GFPT1: variants seen among roughly 807,000 people sequenced by gnomAD.
The protein encoded by GFPT1 is glutamine--fructose-6-phosphate transaminase 1.
In GFPT1, 40 loss-of-function variants were observed where a neutral mutation model predicts 92.0. That is an observed-to-expected ratio of 0.43 (90% CI 0.34 to 0.57). The LOEUF is 0.57. Among genes scored for constraint, GFPT1 ranks in the 20% least tolerant of loss-of-function variants. The pLI is 0.02. For synonymous variants in GFPT1, 269 were observed against 280.6 expected, an observed-to-expected ratio of 0.96 and a Z score of 0.41; for missense variants, 448 against 869.1, an observed-to-expected ratio of 0.52 and a Z score of 6.09.
chr2:69,363,481 C>A, intron 4 of GFPT1, 64 bp downstream of exon 4: 1 of 1,477,834 alleles, frequency 6.8e-7, no homozygotes, highest in Non-Finnish European at 9.5e-7. Context: ...ATCTAAAAGC[C>A]TTCATTCTGC....
rs1454917677 is a variant in GFPT1, at chr2:69,321,062, C to T, written c.*5127G>A. On this transcript the variant is annotated 3_prime_UTR_variant, in exon 20 of 20. Transcript: ENST00000357308. ...AAAGGATTCTGTAAGGGAAACTTTG[C>T]TCTATAATTAACAGAGAGCCAGATA... 6.6e-6 allele frequency: 1 copy of T among 152,208 alleles called. No homozygotes were observed. Among genetic ancestry groups the T allele is most frequent in the Non-Finnish European group, 1.5e-5 (1 of 68,028 alleles). The allele number at this position is 152,208 out of a possible 1,614,324, so 9.4% of individuals were successfully genotyped here. A position where few individuals can be genotyped will look rare whatever the true frequency, so the allele number is the denominator to read the frequency against.
intron 12 of GFPT1, 38 bp downstream of exon 12, chr2:69,345,866 G>A: frequency 8.9e-7 from 1 of 1,129,270 alleles, no homozygotes; most frequent in Non-Finnish European, 1.4e-6. Flanking sequence ...CCTACTGTCA[G>A]AGACACTGAA....
chr2:69,333,105 A>T (rs2104607225), intron 15 of GFPT1, among the ~76,000 whole-genome samples: 2 of 152,306 alleles, frequency 1.3e-5, no homozygotes, highest in Middle Eastern at 6.8e-3. Context: ...TAATGAGCAC[A>T]TCTATATTCT....
chr2:69,325,974 T>C lies in GFPT1; in HGVS notation c.*215A>G. ...TTTCTGATACAGATTCCAATATAGATTCCATTATTCAAAGTCCTCCACAAA... is the reference window on the plus strand; with the variant it reads ...TTTCTGATACAGATTCCAATATAGACTCCATTATTCAAAGTCCTCCACAAA... On this transcript the variant is annotated 3_prime_UTR_variant, in exon 20 of 20. Coordinates refer to ENST00000357308, the MANE Select transcript of GFPT1 (RefSeq NM_001244710.2). The C allele has an allele frequency of 1.9e-6, 1 of 529,846 alleles. No individual in the cohort carries two copies. The allele number at this position is 529,846 out of a possible 1,614,324, so 32.8% of individuals were successfully genotyped here.
In GFPT1 at chr2:69,320,900, G is replaced by C. The variant is rs181256419; in HGVS notation, c.*5289C>G. ...GGTGGAGGAGGGAGAGAGAGAGAGA[G>C]ACCAAAGACTGGGCTGAATTCTACA... is the stretch of plus-strand genomic sequence containing the variant. On this transcript the variant is annotated 3_prime_UTR_variant, in exon 20 of 20. Coordinates refer to ENST00000357308, the MANE Select transcript of GFPT1 (RefSeq NM_001244710.2). 1 of 152,110 alleles carries C rather than the reference G, an allele frequency of 6.6e-6. No individual in the cohort carries two copies. The highest frequency in any genetic ancestry group is 2.4e-5 in the African/African-American group (1 of 41,476). The allele number at this position is 152,110 out of a possible 1,614,324, so 9.4% of individuals were successfully genotyped here.
At chr2:69,384,571 G>A (rs945254744) in intron 1 of GFPT1, among the ~76,000 whole-genome samples, 1 of 151,558 alleles carries the variant, frequency 6.6e-6, no homozygotes, top group Non-Finnish European at 1.5e-5. Flanking sequence ...AATTAGCCAG[G>A]TGTGGTGGTA....
At chr2:69,377,011 C>A (rs1671887183) in intron 1 of GFPT1, among the ~76,000 whole-genome samples, 1 of 151,846 alleles carries the variant, frequency 6.6e-6, no homozygotes, top group African/African-American at 2.4e-5. Context: ...GAGTTCAAGA[C>A]CAGCCTGGGC....
intron 15 of GFPT1, among the ~76,000 whole-genome samples, chr2:69,334,426 A>G (rs1641098639): frequency 6.6e-6 from 1 of 152,182 alleles, no homozygotes; most frequent in African/African-American, 2.4e-5. Flanking sequence ...TTTTTCTTAT[A>G]TAGGTGGTAA....
intron 12 of GFPT1, among the ~76,000 whole-genome samples, chr2:69,344,132 G>A (rs966564231): frequency 8.0e-6 from 1 of 124,322 alleles, no homozygotes; most frequent in Admixed American, 9.9e-5. Context: ...GGAAACAGCA[G>A]TAAAAGGCTG....
intron 13 of GFPT1, among the ~76,000 whole-genome samples, chr2:69,338,833 C>T (rs543053258): frequency 7.7e-6 from 1 of 130,608 alleles, no homozygotes; most frequent in South Asian, 2.3e-4. Flanking sequence ...CGGAGTCTCG[C>T]TCTGTCGCCA....
chr2:69,361,089 A>C (rs1014599418), intron 4 of GFPT1, among the ~76,000 whole-genome samples: 2 of 152,152 alleles, frequency 1.3e-5, no homozygotes, highest in African/African-American at 4.8e-5. Flanking sequence ...GACAGTAATT[A>C]GAAACCAAAT....
At chr2:69,385,544 A>T (rs369735272) in intron 1 of GFPT1, among the ~76,000 whole-genome samples, 4,106 of 59,992 alleles carry the variant, frequency 0.068, 111 homozygotes, top group African/African-American at 0.14. Context: ...TTATTTATTT[A>T]TTTTTTTTTC....
intron 13 of GFPT1, 27 bp downstream of exon 13, chr2:69,342,125 A>T: frequency 8.1e-7 from 1 of 1,236,754 alleles, no homozygotes; most frequent in Non-Finnish European, 1.2e-6. Context: ...AATATTCAAC[A>T]TAATTAAAAT....
chr2:69,335,071 A>T (rs2104610879), intron 15 of GFPT1, among the ~76,000 whole-genome samples: 1 of 152,112 alleles, frequency 6.6e-6, no homozygotes, highest in South Asian at 2.1e-4. Context: ...TAGTGGTGTG[A>T]TCATGGCTCA....
chr2:69,359,243 G>A (rs2104657355), intron 5 of GFPT1, 25 bp downstream of exon 5: 4 of 1,293,842 alleles, frequency 3.1e-6, no homozygotes, highest in African/African-American at 1.5e-5. Flanking sequence ...CAAAGACTGG[G>A]GTCTTTTGAG....
chr2:69,334,230 C>T (rs1289072314), intron 15 of GFPT1, among the ~76,000 whole-genome samples: 4 of 152,046 alleles, frequency 2.6e-5, no homozygotes, highest in African/African-American at 9.7e-5. Context: ...TTATTTGCCA[C>T]CTGGAATGGT....
At chr2:69,330,435 T>G (rs1220533452) in intron 15 of GFPT1, among the ~76,000 whole-genome samples, 1 of 152,012 alleles carries the variant, frequency 6.6e-6, no homozygotes, top group Non-Finnish European at 1.5e-5. Flanking sequence ...GTTTTTGGTG[T>G]AAGTCAAAAG....
At chr2:69,338,645 T>C in intron 13 of GFPT1, 80 bp from the exon 14 acceptor site, 1 of 1,444,586 alleles carries the variant, frequency 6.9e-7, no homozygotes, top group Non-Finnish European at 9.7e-7. Context: ...CAATGTATAG[T>C]TTTTGCTTTT....
chr2:69,376,713 C>G (rs1465258305), intron 1 of GFPT1, among the ~76,000 whole-genome samples: 1 of 152,126 alleles, frequency 6.6e-6, no homozygotes, highest in Non-Finnish European at 1.5e-5. Flanking sequence ...CCTAAACTCT[C>G]TCTTTTTTAA....
Sources: allele counts gnomAD v4.1 joint callset (sites outside exome capture counted in the v4.1 genomes callset), GRCh38; gene constraint gnomAD v4.1.1; transcripts MANE v1.5; gene names NCBI Gene and HGNC (gene_info 2026-07-23, HGNC 2026-07-21).